Variants in A3GALT2 observed in about 807,000 individuals in gnomAD.
A3GALT2 encodes the protein alpha 1,3-galactosyltransferase 2, also known as alpha-1,3-galactosyltransferase 2.
In A3GALT2, 14 loss-of-function variants were observed where a neutral mutation model predicts 16.6. That is an observed-to-expected ratio of 0.84 (90% CI 0.56 to 1.32). The LOEUF is 1.32. Ranked by LOEUF, A3GALT2 falls within the 40% of genes most tolerant of loss-of-function variation. The pLI is 0.00. For synonymous variants in A3GALT2, 253 were observed against 218.0 expected, an observed-to-expected ratio of 1.16 and a Z score of -1.42; for missense variants, 600 against 490.9, an observed-to-expected ratio of 1.22 and a Z score of -2.10.
intron 1 of A3GALT2, among the ~76,000 whole-genome samples, chr1:33,319,529 G>T (rs1013016087): frequency 6.6e-6 from 1 of 152,210 alleles, no homozygotes; most frequent in Admixed American, 6.5e-5. Flanking sequence ...CTCAGGTGGG[G>T]CCTGGTTTTC....
intron 3 of A3GALT2, 82 bp from the exon 4 acceptor site, chr1:33,312,271 C>T: frequency 6.4e-7 from 1 of 1,568,730 alleles, no homozygotes; most frequent in South Asian, 1.2e-5. Flanking sequence ...CTCCCCAGTG[C>T]TGAGCCCTAG....
At chr1:33,315,100 CG>C (rs1451599601) in intron 1 of A3GALT2, among the ~76,000 whole-genome samples, 1 of 151,822 alleles carries the variant, frequency 6.6e-6, no homozygotes, top group Admixed American at 6.6e-5. Context: ...TTAAATTAGC[CG>C]GGGCTGGGCG....
At chr1:33,312,327 C>A in intron 3 of A3GALT2, 138 bp from the exon 4 acceptor site, 1 of 1,369,118 alleles carries the variant, frequency 7.3e-7, no homozygotes, top group Non-Finnish European at 9.9e-7. Context: ...TGGAAGCCTC[C>A]AGCTCAGAGC....
intron 4 of A3GALT2, 38 bp from the exon 5 acceptor site, chr1:33,307,491 C>T (rs771930531): frequency 2.1e-6 from 3 of 1,425,490 alleles, no homozygotes; most frequent in South Asian, 2.9e-5. Context: ...GAGAGTGAAG[C>T]GAGGCGGGCC....
rs971828141 is a variant in A3GALT2 at position 33,320,213 on chromosome 1, G to C, written c.23+863C>G. ...GAAGCCTGGTCAAACCCCGTACTGG[G>C]AGCTGGCAAGGCTGCCTCGGGAGGT... On this transcript the variant is annotated intron_variant, in intron 1 of 4. Coordinates refer to ENST00000442999, the MANE Select transcript of A3GALT2 (RefSeq NM_001080438.1). This position sits in a 1 kb window ranked among gnomAD's most constrained non-coding sequence, Gnocchi z 4.3. Among the ~76,000 whole-genome samples the C allele has an allele frequency of 6.6e-6, 1 of 152,014 alleles. No individual in the cohort carries two copies. The highest frequency in any genetic ancestry group is 6.6e-5 in the Admixed American group (1 of 15,120).
chr1:33,311,569 A>G (rs191243781), intron 4 of A3GALT2, among the ~76,000 whole-genome samples: 2 of 152,054 alleles, frequency 1.3e-5, no homozygotes, highest in Admixed American at 1.3e-4. Flanking sequence ...GCAATCCTTC[A>G]GCTCCCCAGC....
chr1:33,320,831 T>C lies in A3GALT2; in HGVS notation c.23+245A>G, dbSNP rs938735838. Among the ~76,000 whole-genome samples the C allele has an allele frequency of 5.3e-5, 8 of 151,882 alleles. No individual in the cohort carries two copies. The highest frequency in any genetic ancestry group is 1.9e-4 in the African/African-American group (8 of 41,408). ...GAAGCAAGGGGAGTCCAGCTTTTCA[T>C]TGGCTACAAAATCTTGTGGAATACA... On this transcript the variant is annotated intron_variant, in intron 1 of 4. Transcript: ENST00000442999. This position sits in a 1 kb window ranked among gnomAD's most constrained non-coding sequence, Gnocchi z 4.3.
rs1646201181 is a variant in A3GALT2 at position 33,307,462 on chromosome 1, G to A, written c.336-9C>T. ...GGTACTTCTCCAGGTATCTAAGGGCGCGGCGCCACCGTCAGCCTGAGAGTG... is the reference window on the plus strand; with the variant it reads ...GGTACTTCTCCAGGTATCTAAGGGCACGGCGCCACCGTCAGCCTGAGAGTG... On this transcript the variant is annotated splice_polypyrimidine_tract_variant and intron_variant, in intron 4 of 4. Coordinates refer to ENST00000442999, the MANE Select transcript of A3GALT2 (RefSeq NM_001080438.1). 3.4e-6 allele frequency: 5 copies of A among 1,486,454 alleles called. No homozygotes were observed. The highest frequency in any genetic ancestry group is 4.4e-6 in the Non-Finnish European group (5 of 1,128,856). The allele number at this position is 1,486,454 out of a possible 1,614,324, so 92.1% of individuals were successfully genotyped here.
chr1:33,308,561 C>T (rs1007288385), intron 4 of A3GALT2, among the ~76,000 whole-genome samples: 1 of 151,856 alleles, frequency 6.6e-6, no homozygotes, highest in East Asian at 1.9e-4. Flanking sequence ...GCCACCACCA[C>T]GCCCGGCCAA....
At chr1:33,313,214 C>A (rs1646244962) in intron 1 of A3GALT2, 1 of 205,164 alleles carries the variant, frequency 4.9e-6, no homozygotes, top group African/African-American at 2.7e-5. Flanking sequence ...GACAGCCTCA[C>A]TCTGTCACCC....
chr1:33,312,579 G>A lies in A3GALT2; in HGVS notation c.119C>T (p.Ala40Val), dbSNP rs760523598. The A allele has an allele frequency of 6.3e-7, 1 of 1,590,166 alleles. No homozygotes were observed. Among genetic ancestry groups the A allele is most frequent in the Non-Finnish European group, 8.6e-7 (1 of 1,166,628 alleles). ...AGGGCAGACGCCCATGGGGATGAGGGCTTCCAGATGCCTGTGGTGGGTTGA... is the reference window on the plus strand; with the variant it reads ...AGGGCAGACGCCCATGGGGATGAGGACTTCCAGATGCCTGTGGTGGGTTGA... ...YGLPKFRHLE[A>V]LIPMGVCPSA... Residue 40 changes from alanine to valine, a missense_variant, in exon 3 of 5, where the codon GCC becomes GTC. Ala to Val is a moderately conservative substitution (Grantham distance 64). Transcript: ENST00000442999.
In A3GALT2 at chr1:33,320,785, C is replaced by T. The variant is rs1192137798; in HGVS notation, c.23+291G>A. On this transcript the variant is annotated intron_variant, in intron 1 of 4. Transcript: ENST00000442999. The surrounding 1 kb of genome is among the most constrained non-coding windows in gnomAD (Gnocchi z 4.3). Reference sequence around the variant, plus strand: ...CCCGGGTCTCTGCTTTCCGGCTCGCCAAGGGGGTTTAGAGTTAAGGGAAGC... The same window carrying T: ...CCCGGGTCTCTGCTTTCCGGCTCGCTAAGGGGGTTTAGAGTTAAGGGAAGC... 6.6e-6 allele frequency among the ~76,000 whole-genome samples: 1 copy of T among 151,960 alleles called. No individual in the cohort carries two copies. The highest frequency in any genetic ancestry group is 1.5e-5 in the Non-Finnish European group (1 of 68,028).
At position 33,312,898 on chromosome 1, in the gene A3GALT2, C is replaced by A; in HGVS notation, c.24-8G>T. ...AAGATTCTCTTCCAGGCCCTGGGGG[C>A]GGGAGGGGGGCATCAGTAACTCATT... On this transcript the variant is annotated splice_polypyrimidine_tract_variant and splice_region_variant and intron_variant, in intron 1 of 4. Transcript: ENST00000442999. The A allele has an allele frequency of 6.3e-7, 1 of 1,598,892 alleles. No individual in the cohort carries two copies. The highest frequency in any genetic ancestry group is 8.5e-7 in the Non-Finnish European group (1 of 1,172,176).
chr1:33,310,315 G>A (rs1646227532), intron 4 of A3GALT2, among the ~76,000 whole-genome samples: 1 of 147,740 alleles, frequency 6.8e-6, no homozygotes, highest in African/African-American at 2.7e-5. Context: ...GAGGGAGAGG[G>A]AGACCGGGGA....
At chr1:33,318,160 T>C (rs1646269809) in intron 1 of A3GALT2, among the ~76,000 whole-genome samples, 1 of 152,186 alleles carries the variant, frequency 6.6e-6, no homozygotes, top group South Asian at 2.1e-4. Flanking sequence ...CTTTCATGAG[T>C]GTAGGAAGAG....
At chr1:33,315,155 G>C (rs918670228) in intron 1 of A3GALT2, among the ~76,000 whole-genome samples, 1 of 152,062 alleles carries the variant, frequency 6.6e-6, no homozygotes, top group Non-Finnish European at 1.5e-5. Flanking sequence ...GAGGCCGAGC[G>C]GGTGGATCAC....
intron 4 of A3GALT2, among the ~76,000 whole-genome samples, chr1:33,311,562 A>G (rs1328383170): frequency 1.3e-5 from 2 of 151,804 alleles, no homozygotes; most frequent in Non-Finnish European, 2.9e-5. Flanking sequence ...CTCCCTTGCA[A>G]TCCTTCAGCT....
Position 33,312,075 on chromosome 1 carries a change from C to T in A3GALT2, c.312G>A (p.Gly104=), listed in dbSNP as rs1362112296. The change falls in exon 4 of 5, where the codon GGG becomes GGA. Residue 104 remains glycine, a synonymous_variant. Transcript: ENST00000442999. ...ACCTGCCTACAGCAAAGATAGTCAGCCCAATGGTGAGGTTCTGCTGTCTAG... is the reference window on the plus strand; with the variant it reads ...ACCTGCCTACAGCAAAGATAGTCAGTCCAATGGTGAGGTTCTGCTGTCTAG... ...QEARQQNLTI[G]LTIFAVGRYL... 6.2e-7 allele frequency: 1 copy of T among 1,613,408 alleles called. No homozygotes were observed. Among genetic ancestry groups the T allele is most frequent in the African/African-American group, 1.3e-5 (1 of 74,916 alleles).
intron 4 of A3GALT2, among the ~76,000 whole-genome samples, chr1:33,309,587 G>A (rs1462794766): frequency 6.6e-6 from 1 of 150,706 alleles, no homozygotes; most frequent in African/African-American, 2.4e-5. Flanking sequence ...CTTCTCAGAC[G>A]GGGCGGCCGG....
Sources: gnomAD v4.1 joint callset for allele counts (sites outside exome capture counted in the v4.1 genomes callset) on GRCh38, gnomAD v4.1.1 for gene constraint, Gnocchi (gnomAD v3.1) non-coding constraint, MANE v1.5 for transcripts, NCBI Gene and HGNC (gene_info 2026-07-23, HGNC 2026-07-21) for gene names.